The following PKHD1L1 variants were observed in gnomAD, a reference collection of about 807,000 sequenced individuals.
PKHD1L1 encodes the protein PKHD1 like 1.
PKHD1L1 carries 434 observed loss-of-function variants against 462.9 expected under a neutral mutation model. The observed-to-expected ratio is 0.94, with a 90% CI of 0.87 to 1.02. The LOEUF (loss-of-function observed/expected upper bound fraction) is 1.02. Among genes scored for constraint, PKHD1L1 ranks in the 50% least tolerant of loss-of-function variants. The probability of loss-of-function intolerance (pLI) is 0.00; values close to 1 mark genes in which losing one functional copy is unlikely to be tolerated. For missense variants in PKHD1L1, 5,202 were observed against 5,096.1 expected (o/e 1.02, Z -0.63); for synonymous variants, 1,781 against 1,750.0 (o/e 1.02, Z -0.44).
chr8:109,385,682 T>TAA, intron 6 of PKHD1L1, 52 bp downstream of exon 6: 1 of 1,209,846 alleles, frequency 8.3e-7, no homozygotes, highest in South Asian at 1.4e-5. Flanking sequence ...TGAGAAGTAA[T>TAA]ATTATAAAAA....
At chr8:109,390,298 C>T (rs1812651719) in intron 8 of PKHD1L1, among the ~76,000 whole-genome samples, 154 bp from the exon 9 acceptor site, 1 of 152,084 alleles carries the variant, frequency 6.6e-6, no homozygotes, top group East Asian at 1.9e-4. Flanking sequence ...TAGGATAGTT[C>T]AATTTTTATT....
intron 51 of PKHD1L1, 112 bp from the exon 52 acceptor site, chr8:109,476,396 C>G: frequency 1.3e-6 from 1 of 744,318 alleles, no homozygotes; most frequent in South Asian, 2.7e-5. Flanking sequence ...AAACTAAAGC[C>G]AAAACTTTTA....
At chr8:109,372,129 C>T (rs1275850286) in intron 2 of PKHD1L1, among the ~76,000 whole-genome samples, 1 of 152,120 alleles carries the variant, frequency 6.6e-6, no homozygotes, top group Non-Finnish European at 1.5e-5. Flanking sequence ...ATTCTTCCTA[C>T]CCATGAACAT....
chr8:109,478,188 T>A (rs902645401), intron 53 of PKHD1L1, among the ~76,000 whole-genome samples: 6 of 152,136 alleles, frequency 3.9e-5, no homozygotes, highest in Admixed American at 2.6e-4. Context: ...CATTTCAAAA[T>A]AAATAGACAC....
At chr8:109,496,787 A>T in intron 63 of PKHD1L1, 132 bp from the exon 64 acceptor site, 1 of 921,356 alleles carries the variant, frequency 1.1e-6, no homozygotes, top group Non-Finnish European at 1.6e-6. Context: ...ATATTTGATC[A>T]TATTAAACCT....
intron 2 of PKHD1L1, among the ~76,000 whole-genome samples, chr8:109,371,404 G>A (rs11988692): frequency 6.6e-6 from 1 of 151,390 alleles, no homozygotes; most frequent in African/African-American, 2.4e-5. Context: ...CTGGATATTA[G>A]CCCTTTGTCA....
intron 65 of PKHD1L1, 86 bp downstream of exon 65, chr8:109,497,358 CTT>C: frequency 7.0e-7 from 1 of 1,419,472 alleles, no homozygotes; most frequent in Non-Finnish European, 9.5e-7. Context: ...GAATAATCTC[CTT>C]AACTTCTATC....
chr8:109,467,204 C>T (rs1361036052), intron 50 of PKHD1L1, among the ~76,000 whole-genome samples: 2 of 152,114 alleles, frequency 1.3e-5, no homozygotes, highest in African/African-American at 2.4e-5. Context: ...ATACCTGGAA[C>T]ACCAGATACG....
At position 109,394,486 on chromosome 8, in the gene PKHD1L1, G is replaced by A. The variant is rs1010968246; in HGVS notation, c.811+1G>A. 3 of 1,494,790 alleles carry A rather than the reference G, an allele frequency of 2.0e-6. No homozygotes were observed. Among genetic ancestry groups the A allele is most frequent in the East Asian group, 2.5e-5 (1 of 40,748 alleles). The allele number at this position is 1,494,790 out of a possible 1,614,324, so 92.6% of individuals were successfully genotyped here. A position where few individuals can be genotyped will look rare whatever the true frequency, so the allele number is the denominator to read the frequency against. On this transcript the variant is annotated splice_donor_variant, in intron 10 of 77. Transcript: ENST00000378402. LOFTEE classifies it high-confidence loss of function. ...ATTGCAATGTTTCAAACATATGCAG[G>A]TATGTGACTTTTCTTTCACTCTGTT... is the stretch of plus-strand genomic sequence containing the variant.
At chr8:109,395,987 T>C (rs367804193) in intron 10 of PKHD1L1, 40 bp from the exon 11 acceptor site, 3 of 1,386,754 alleles carry the variant, frequency 2.2e-6, no homozygotes, top group South Asian at 2.5e-5. Flanking sequence ...GGTTTATGTG[T>C]AATATTTATG....
chr8:109,431,859 C>A (rs1482728933), intron 27 of PKHD1L1, among the ~76,000 whole-genome samples: 2 of 152,064 alleles, frequency 1.3e-5, no homozygotes, highest in Non-Finnish European at 2.9e-5. Context: ...TACTGGATAA[C>A]AATTGGTTGT....
intron 49 of PKHD1L1, among the ~76,000 whole-genome samples, chr8:109,466,176 T>C (rs1347428743): frequency 6.6e-6 from 1 of 152,198 alleles, no homozygotes; most frequent in Non-Finnish European, 1.5e-5. Context: ...ATATAAAGCT[T>C]TGTGTAATGT....
At chr8:109,497,091 T>C in intron 64 of PKHD1L1, 24 bp downstream of exon 64, 1 of 1,612,646 alleles carries the variant, frequency 6.2e-7, no homozygotes, top group Non-Finnish European at 8.5e-7. Context: ...AAGATGGTGA[T>C]TGTTTATTTT....
intron 59 of PKHD1L1, among the ~76,000 whole-genome samples, chr8:109,487,783 G>A (rs566721249): frequency 6.6e-6 from 1 of 151,854 alleles, no homozygotes; most frequent in South Asian, 2.1e-4. Flanking sequence ...GGAGGCCAAG[G>A]TGGGATGACT....
At position 109,485,141 on chromosome 8, in the gene PKHD1L1, T is replaced by C; in HGVS notation, c.9674T>C (p.Ile3225Thr). 6.3e-7 allele frequency: 1 copy of C among 1,594,986 alleles called. No individual in the cohort carries two copies. The highest frequency in any genetic ancestry group is 8.5e-7 in the Non-Finnish European group (1 of 1,169,626). Residue 3225 changes from isoleucine (I) to threonine (T), a missense_variant, in exon 58 of 78, where the codon ATT (isoleucine) becomes ACT (threonine). Ile to Thr is a moderately conservative substitution (Grantham distance 89, BLOSUM62 -1). Around this residue, in one of 3 missense-constraint regions of PKHD1L1, gnomAD observed 4,497 missense variants for 4,336.8 expected, o/e 1.04. Coordinates refer to ENST00000378402, the MANE Select transcript of PKHD1L1 (RefSeq NM_177531.6). ...VKILHDHKIL[I>T]LNDSLSYTHF... ...ATCCTGCATGATCATAAAATTCTCA[T>C]TCTTAATGATAGCCTTTCCTATACT...
At chr8:109,429,674 A>G (rs1814981061) in intron 26 of PKHD1L1, among the ~76,000 whole-genome samples, 1 of 152,160 alleles carries the variant, frequency 6.6e-6, no homozygotes, top group Non-Finnish European at 1.5e-5. Flanking sequence ...TAGCTCTACT[A>G]TGCCAGAATT....
chr8:109,434,872 C>T (rs981038761), intron 28 of PKHD1L1, among the ~76,000 whole-genome samples: 3 of 147,420 alleles, frequency 2.0e-5, no homozygotes, highest in Non-Finnish European at 4.4e-5. Context: ...AATAAATGAG[C>T]TTATAAACTA....
rs778258951 is a variant in PKHD1L1, at chr8:109,448,239, C to T, written c.5873C>T (p.Thr1958Ile). Residue 1958 changes from threonine (T) to isoleucine (I), a missense_variant, in exon 39 of 78, where the codon ACC becomes ATC. Around this residue, in one of 3 missense-constraint regions of PKHD1L1, gnomAD observed 4,497 missense variants for 4,336.8 expected, o/e 1.04. Coordinates refer to ENST00000378402, the MANE Select transcript of PKHD1L1 (RefSeq NM_177531.6). ...VMINNIQCNV[T>I]MANDSVVQCI... is the part of the protein sequence containing the mutation. ...ATAAATAACATTCAGTGTAATGTAA[C>T]CATGGCCAATGATAGTGTGGTGCAG... 6 of 1,613,050 alleles carry T rather than the reference C, an allele frequency of 3.7e-6. No homozygotes were observed. Among genetic ancestry groups the T allele is most frequent in the African/African-American group, 2.7e-5 (2 of 74,716 alleles).
Position 109,445,114 on chromosome 8 carries a change from C to T in PKHD1L1, c.5245C>T (p.Pro1749Ser), listed in dbSNP as rs780634635. 4.2e-5 allele frequency: 68 copies of T among 1,613,832 alleles called. No individual in the cohort carries two copies. The South Asian group carries it at 6.8e-4, about 16-fold the overall frequency. Residue 1749 changes from proline (P) to serine (S), a missense_variant, in exon 38 of 78, where the codon CCT (proline) becomes TCT (serine). By Grantham distance (74) the Pro-to-Ser change is moderately conservative. This residue lies in a region of PKHD1L1 where 4,497 missense variants were observed against 4,336.8 expected (regional missense o/e 1.04). Transcript: ENST00000378402. ...CTTTTCATACTTAGAAAGCATCACT[C>T]CTTACATAACAGGAGTCTTCCCAAA... Reference protein sequence around the residue: ...CTFSYLESITPYITGVFPNSV... With the variant: ...CTFSYLESITSYITGVFPNSV...
Sources: gnomAD v4.1 joint callset for allele counts (sites outside exome capture counted in the v4.1 genomes callset) on GRCh38, gnomAD v4.1.1 for gene constraint, gnomAD v4.1.1 regional missense constraint, MANE v1.5 for transcripts, NCBI Gene and HGNC (gene_info 2026-07-23, HGNC 2026-07-21) for gene names.